Variants in HERC1 observed in about 807,000 individuals in gnomAD.
HERC1 encodes HECT and RLD domain containing E3 ubiquitin protein ligase family member 1, also known as probable E3 ubiquitin-protein ligase HERC1.
In HERC1, 160 loss-of-function variants were observed where a neutral mutation model predicts 554.3. The observed-to-expected ratio is 0.29, with a 90% CI of 0.25 to 0.33. The LOEUF is 0.33. Among genes scored for constraint, HERC1 ranks in the 10% least tolerant of loss-of-function variants. The probability of loss-of-function intolerance (pLI) is 1.00; values close to 1 mark genes in which losing one functional copy is unlikely to be tolerated. For synonymous variants in HERC1, 2,175 were observed against 2,131.7 expected, an observed-to-expected ratio of 1.02 and a Z score of -0.56; for missense variants, 4,919 against 5,918.5, an observed-to-expected ratio of 0.83 and a Z score of 5.54.
intron 12 of HERC1, among the ~76,000 whole-genome samples, chr15:63,745,811 C>G (rs1279496032): frequency 1.3e-5 from 2 of 152,120 alleles, no homozygotes; most frequent in Admixed American, 6.5e-5. Flanking sequence ...ATCAGTGGAG[C>G]CTTCTATTCC....
rs773997240 is a variant in HERC1, at chr15:63,675,084, T to G, written c.7104A>C (p.Pro2368=). The stretch of plus-strand genomic sequence containing the variant: ...GTTCACAGGGTTCCAGATTATACAA[T>G]GGAGTATCACTAGGCGACCAAAAAG... The part of the protein sequence containing the change: ...FPTFWSPSDT[P]LYNLEPCEPL... The change falls in exon 38 of 78, where the codon CCA becomes CCC. Residue 2368 remains proline, a synonymous_variant. Transcript: ENST00000443617. The G allele has an allele frequency of 2.5e-6, 4 of 1,608,216 alleles. No individual in the cohort carries two copies. The South Asian group carries it at 4.4e-5, about 18-fold the overall frequency.
chr15:63,648,506 C>A (rs535227912), intron 54 of HERC1, among the ~76,000 whole-genome samples: 9 of 152,198 alleles, frequency 5.9e-5, no homozygotes, highest in Non-Finnish European at 1.2e-4. Flanking sequence ...ACCATAGGTT[C>A]TTTCCTTTTG....
chr15:63,795,324 TAA>T (rs1292681608), intron 1 of HERC1, among the ~76,000 whole-genome samples: 1 of 151,926 alleles, frequency 6.6e-6, no homozygotes, highest in South Asian at 2.1e-4. Context: ...TCAAAGTAGA[TAA>T]AGAGTAGTGA....
At chr15:63,802,583 A>G (rs1403898336) in intron 1 of HERC1, among the ~76,000 whole-genome samples, 3 of 151,834 alleles carry the variant, frequency 2.0e-5, no homozygotes, top group Non-Finnish European at 4.4e-5. Context: ...AAAATTTATA[A>G]CACTAAAAGC....
chr15:63,663,345 A>T lies in HERC1; in HGVS notation c.8681-141T>A, dbSNP rs532917498. The T allele has an allele frequency of 5.8e-6, 4 of 685,730 alleles. No homozygotes were observed. In the South Asian group the frequency reaches 7.3e-5, roughly 12 times the overall value. The allele number at this position is 685,730 out of a possible 1,614,324, so 42.5% of individuals were successfully genotyped here. A position where few individuals can be genotyped will look rare whatever the true frequency, so the allele number is the denominator to read the frequency against. ...ATCTCAGACCATAAAACATCAAATT[A>T]TACCTATCACGTGTGTTTCCTCTCT... is the stretch of plus-strand genomic sequence containing the variant. On this transcript the variant is annotated intron_variant, in intron 43 of 77. Coordinates refer to ENST00000443617, the MANE Select transcript of HERC1 (RefSeq NM_003922.4).
chr15:63,641,269 C>T (rs1009094452), intron 60 of HERC1, among the ~76,000 whole-genome samples: 2 of 152,280 alleles, frequency 1.3e-5, no homozygotes, highest in African/African-American at 4.8e-5. Context: ...CTTTATTTTA[C>T]TCTGGTGAAA....
At chr15:63,697,771 T>C (rs1238910384) in intron 26 of HERC1, among the ~76,000 whole-genome samples, 1 of 152,102 alleles carries the variant, frequency 6.6e-6, no homozygotes, top group Non-Finnish European at 1.5e-5. Flanking sequence ...AATCATTTAG[T>C]TAAGGCAATA....
At position 63,643,010 on chromosome 15, in the gene HERC1, T is replaced by C. The variant is rs372848732; in HGVS notation, c.11380A>G (p.Thr3794Ala). The C allele has an allele frequency of 3.1e-6, 5 of 1,613,258 alleles. No homozygotes were observed. In the South Asian group the frequency reaches 5.5e-5, roughly 18 times the overall value. The change falls in exon 59 of 78, where the codon ACC becomes GCC. Residue 3794 changes from threonine (T) to alanine (A), a missense_variant. Around this residue, in one of 11 missense-constraint regions of HERC1, gnomAD observed 1,963 missense variants for 2,228.6 expected, o/e 0.88. Coordinates refer to ENST00000443617, the MANE Select transcript of HERC1 (RefSeq NM_003922.4). ...CCAACTTCTGGAATCCATACTGTGG[T>C]CTGAATAGCTCCAGAGCCTATCACA... ...TVVIGSGAIQ[T>A]TVWIPEVGVA...
intron 77 of HERC1, among the ~76,000 whole-genome samples, chr15:63,611,933 C>T (rs1017631249): frequency 6.6e-6 from 1 of 152,192 alleles, no homozygotes; most frequent in African/African-American, 2.4e-5. Flanking sequence ...GCCTGTAATC[C>T]CAGCACTTTG....
chr15:63,669,155 T>C (rs2070779654), intron 40 of HERC1, among the ~76,000 whole-genome samples: 1 of 152,110 alleles, frequency 6.6e-6, no homozygotes, highest in South Asian at 2.1e-4. Context: ...ATAACATACT[T>C]CCAAATAGTC....
chr15:63,728,802 C>T (rs2074144509), intron 16 of HERC1, among the ~76,000 whole-genome samples: 1 of 151,566 alleles, frequency 6.6e-6, no homozygotes, highest in African/African-American at 2.4e-5. Context: ...CCTATAGGAA[C>T]CCACTGAAAA....
chr15:63,802,846 C>T (rs1325823878), intron 1 of HERC1, among the ~76,000 whole-genome samples: 3 of 152,198 alleles, frequency 2.0e-5, no homozygotes, highest in Admixed American at 1.3e-4. Flanking sequence ...GCAATAATAG[C>T]AGTTACAATT....
chr15:63,638,317 G>A, intron 63 of HERC1, 94 bp downstream of exon 63: 1 of 1,287,394 alleles, frequency 7.8e-7, no homozygotes, highest in Non-Finnish European at 1.1e-6. Flanking sequence ...AATAGATTAT[G>A]AAATGGACAA....
In HERC1 at chr15:63,674,715, G is replaced by A. The variant is rs1223966312; in HGVS notation, c.7473C>T (p.His2491=). The change falls in exon 38 of 78, where the codon CAC becomes CAT. Residue 2491 remains histidine (H), a synonymous_variant. Coordinates refer to ENST00000443617, the MANE Select transcript of HERC1 (RefSeq NM_003922.4). ...ITEGKRKNHE[H]MSKNHDVAQS... is the part of the protein sequence containing the mutation. ...GGGCTACATCATGGTTTTTGGACAT[G>A]TGTTCATGATTTTTTCTTTTCCCTT... 1 of 1,613,708 alleles carries A rather than the reference G, an allele frequency of 6.2e-7. No homozygotes were observed. Among genetic ancestry groups the A allele is most frequent in the African/African-American group, 1.3e-5 (1 of 75,000 alleles).
chr15:63,630,632 C>A lies in HERC1; in HGVS notation c.12800G>T (p.Arg4267Leu). 6.2e-7 allele frequency: 1 copy of A among 1,606,510 alleles called. No homozygotes were observed. Among genetic ancestry groups the A allele is most frequent in the South Asian group, 1.1e-5 (1 of 89,564 alleles). Residue 4267 changes from arginine to leucine, a missense_variant, in exon 69 of 78, where the codon CGC becomes CTC. Physicochemically the swap from Arg to Leu is moderately radical, Grantham distance 102. Coordinates refer to ENST00000443617, the MANE Select transcript of HERC1 (RefSeq NM_003922.4). The stretch of plus-strand genomic sequence containing the variant: ...ACGCCCCTCTGGCAAGCCTATCAGG[C>A]GATCTGAAAAAAACAAAACAAAAAC... ...DGHVYTFGQD[R>L]LIGLPEGRAR...
Position 63,733,102 on chromosome 15 carries a change from G to T in HERC1, c.2690C>A (p.Thr897Asn). ...DIILTSLQDH[T>N]HVASLLGYSS... ...ATAGCCAAGTAGGGAGGCTACGTGG[G>T]TATGATCTTGCAAACTTGTCAGGAT... The change falls in exon 14 of 78, where the codon ACC (threonine) becomes AAC (asparagine). Residue 897 changes from threonine (T) to asparagine (N), a missense_variant. Transcript: ENST00000443617. 8.1e-6 allele frequency: 13 copies of T among 1,613,822 alleles called. No homozygotes were observed. The highest frequency in any genetic ancestry group is 1.1e-5 in the Non-Finnish European group (13 of 1,179,742).
chr15:63,729,195 C>A lies in HERC1; in HGVS notation c.3154+41G>T, dbSNP rs185323644. ...TTTGGAAAGCCAAGTGTTCTTACTT[C>A]TTAATGACTGATTAAATTTGAAATG... On this transcript the variant is annotated intron_variant, in intron 16 of 77. Coordinates refer to ENST00000443617, the MANE Select transcript of HERC1 (RefSeq NM_003922.4). 7.3e-4 allele frequency: 1,138 copies of A among 1,556,180 alleles called. 1 individual carries two copies. Among genetic ancestry groups the A allele is most frequent in the Non-Finnish European group, 9.2e-4 (1,056 of 1,152,240 alleles).
At chr15:63,790,661 G>A (rs920993136) in intron 1 of HERC1, among the ~76,000 whole-genome samples, 29 of 152,076 alleles carry the variant, frequency 1.9e-4, no homozygotes, top group African/African-American at 6.8e-4. Flanking sequence ...TGCCCAGGGG[G>A]TTGGTGGGTA....
At chr15:63,711,931 T>G (rs2073318043) in intron 24 of HERC1, among the ~76,000 whole-genome samples, 1 of 152,206 alleles carries the variant, frequency 6.6e-6, no homozygotes, top group African/African-American at 2.4e-5. Flanking sequence ...TAGCTACCAA[T>G]TAACTCCAAG....
Sources: allele counts gnomAD v4.1 joint callset (sites outside exome capture counted in the v4.1 genomes callset), GRCh38; gene constraint gnomAD v4.1.1; regional missense constraint gnomAD v4.1.1; transcripts MANE v1.5; gene names NCBI Gene and HGNC (gene_info 2026-07-23, HGNC 2026-07-21).